Variants in REV1 observed in about 807,000 individuals in gnomAD.
REV1 encodes translesion synthesis protein REV1.
In REV1, 42 loss-of-function variants were observed where a neutral mutation model predicts 137.4. That is an observed-to-expected ratio of 0.31 (90% CI 0.24 to 0.40). The LOEUF (loss-of-function observed/expected upper bound fraction) is 0.40. REV1 is among the 10% of genes least tolerant of loss of function. REV1 has a pLI of 1.00. For missense variants in REV1, 1,282 were observed against 1,490.1 expected, an observed-to-expected ratio of 0.86 and a Z score of 2.30; for synonymous variants, 524 against 519.2, an observed-to-expected ratio of 1.01 and a Z score of -0.12.
At chr2:99,453,787 G>A (rs538797895) in intron 3 of REV1, among the ~76,000 whole-genome samples, 10 of 151,522 alleles carry the variant, frequency 6.6e-5, no homozygotes, top group Admixed American at 2.0e-4. Flanking sequence ...CAGCTACTCA[G>A]GAGGCTGAGG....
Position 99,402,252 on chromosome 2 carries a change from G to A in REV1, c.3636C>T (p.Tyr1212=), listed in dbSNP as rs752617590. The A allele has an allele frequency of 1.9e-5, 24 of 1,279,158 alleles. No homozygotes were observed. Among genetic ancestry groups the A allele is most frequent in the Middle Eastern group, 1.8e-4 (1 of 5,422 alleles). The allele number at this position is 1,279,158 out of a possible 1,614,324, so 79.2% of individuals were successfully genotyped here. The change falls in exon 22 of 23, where the codon TAC becomes TAT. Residue 1212 remains tyrosine, a synonymous_variant. Coordinates refer to ENST00000258428, the MANE Select transcript of REV1 (RefSeq NM_016316.4). ...AAGTGATGAATTACTACCTTTTCAT[G>A]TATTTTATAACTAGATCCAGTTTTT... The part of the protein sequence containing the change: ...DLEKLDLVIK[Y]MKRLMQQSVE...
rs11889025 is a variant in REV1 at position 99,454,575 on chromosome 2, A to C, written c.182-5071T>G. Among the ~76,000 whole-genome samples, 68 of 133,196 alleles carry C rather than the reference A, an allele frequency of 5.1e-4. 5 individuals are homozygous for C. Among genetic ancestry groups the C allele is most frequent in the Non-Finnish European group, 6.4e-4 (39 of 61,216 alleles). The allele number at this position is 133,196 out of a possible 152,430, so 87.4% of individuals were successfully genotyped here. ...CAAAAAAAAAAAAAAAAAAAAAAAA[A>C]AAAAAAAAAAAAAAAACCCAAAAAT... is the stretch of plus-strand genomic sequence containing the variant. On this transcript the variant is annotated intron_variant, in intron 3 of 22. Coordinates refer to ENST00000258428, the MANE Select transcript of REV1 (RefSeq NM_016316.4).
At chr2:99,448,884 C>T (rs570333537) in intron 4 of REV1, among the ~76,000 whole-genome samples, 2 of 152,308 alleles carry the variant, frequency 1.3e-5, no homozygotes, top group East Asian at 3.9e-4. Flanking sequence ...TATTAGGATG[C>T]CAAATCCTAG....
chr2:99,442,881 T>C (rs1474616045), intron 4 of REV1, among the ~76,000 whole-genome samples: 3 of 152,138 alleles, frequency 2.0e-5, no homozygotes, highest in Non-Finnish European at 4.4e-5. Flanking sequence ...AGAGTAATAA[T>C]TTATACTATT....
intron 1 of REV1, among the ~76,000 whole-genome samples, chr2:99,466,241 G>A (rs905666610): frequency 6.7e-6 from 1 of 149,466 alleles, no homozygotes; most frequent in Admixed American, 6.7e-5. Flanking sequence ...GTAAGCCACC[G>A]TGCCCGGCCT....
chr2:99,421,277 TTAAGAA>T (rs1032254519), intron 11 of REV1, among the ~76,000 whole-genome samples: 9 of 152,104 alleles, frequency 5.9e-5, no homozygotes, highest in Non-Finnish European at 1.3e-4. Flanking sequence ...TCCCAATTTT[TTAAGAA>T]TAAGTAAGAA....
At chr2:99,447,406 G>A (rs900940296) in intron 4 of REV1, among the ~76,000 whole-genome samples, 12 of 152,150 alleles carry the variant, frequency 7.9e-5, no homozygotes, top group Admixed American at 6.5e-5. Context: ...TCTTGACCTC[G>A]TGATCTGCCT....
chr2:99,448,984 C>T (rs933147064), intron 4 of REV1, among the ~76,000 whole-genome samples: 1 of 152,258 alleles, frequency 6.6e-6, no homozygotes, highest in Non-Finnish European at 1.5e-5. Context: ...ATATTAGTTA[C>T]AATTTTATAA....
intron 3 of REV1, among the ~76,000 whole-genome samples, chr2:99,457,313 C>T (rs750732918): frequency 3.3e-5 from 5 of 152,128 alleles, no homozygotes; most frequent in Non-Finnish European, 5.9e-5. Flanking sequence ...CAATTCTCCC[C>T]GAACTGATCT....
intron 9 of REV1, among the ~76,000 whole-genome samples, chr2:99,427,169 A>T (rs1049983158): frequency 6.6e-6 from 1 of 152,100 alleles, no homozygotes; most frequent in African/African-American, 2.4e-5. Context: ...GCAAAAGAGC[A>T]AGACTTCATC....
chr2:99,421,701 T>C (rs1559316909), intron 10 of REV1, 48 bp from the exon 11 acceptor site: 1 of 1,577,800 alleles, frequency 6.3e-7, no homozygotes, highest in Admixed American at 1.8e-5. Context: ...AGCCACCATC[T>C]GGTAGACCCA....
intron 4 of REV1, among the ~76,000 whole-genome samples, chr2:99,448,532 C>T (rs1472462540): frequency 6.6e-6 from 1 of 152,104 alleles, no homozygotes; most frequent in African/African-American, 2.4e-5. Context: ...AATAATACTG[C>T]GACTGTACTC....
At chr2:99,461,964 G>A (rs1219311259) in intron 3 of REV1, among the ~76,000 whole-genome samples, 2 of 152,118 alleles carry the variant, frequency 1.3e-5, no homozygotes, top group African/African-American at 4.8e-5. Flanking sequence ...GTGGGGAGGA[G>A]GTAGGAATGA....
At chr2:99,456,947 G>A (rs890324371) in intron 3 of REV1, among the ~76,000 whole-genome samples, 1 of 152,118 alleles carries the variant, frequency 6.6e-6, no homozygotes, top group Admixed American at 6.5e-5. Flanking sequence ...AGAACATGAG[G>A]TTGAAAATGT....
At chr2:99,489,132 C>T (rs1051565457) in intron 1 of REV1, among the ~76,000 whole-genome samples, 7 of 152,170 alleles carry the variant, frequency 4.6e-5, no homozygotes, top group African/African-American at 1.4e-4. Flanking sequence ...TGTAACAGTA[C>T]AGAAGTGGGC....
chr2:99,462,184 T>C (rs913589314), intron 3 of REV1, among the ~76,000 whole-genome samples: 2 of 152,070 alleles, frequency 1.3e-5, no homozygotes, highest in Non-Finnish European at 2.9e-5. Context: ...CATCTAGAGA[T>C]TTACCAATGA....
chr2:99,413,880 AAG>A (rs1403850790), intron 12 of REV1, among the ~76,000 whole-genome samples: 1 of 152,182 alleles, frequency 6.6e-6, no homozygotes, highest in Non-Finnish European at 1.5e-5. Flanking sequence ...AACTTATCAA[AAG>A]AGAACTCAGG....
chr2:99,438,515 A>G, intron 6 of REV1, 86 bp downstream of exon 6: 1 of 978,416 alleles, frequency 1.0e-6, no homozygotes, highest in South Asian at 1.5e-5. Flanking sequence ...AGAACTTCAT[A>G]TTGACCAGAA....
chr2:99,433,964 TGTTA>T (rs147675147), intron 8 of REV1, among the ~76,000 whole-genome samples: 64,184 of 151,636 alleles, frequency 0.42, 13,808 homozygotes, highest in Admixed American at 0.57. Flanking sequence ...TTCTACTGTT[TGTTA>T]TTCTACTTCC....
Sources: allele counts gnomAD v4.1 joint callset (sites outside exome capture counted in the v4.1 genomes callset), GRCh38; gene constraint gnomAD v4.1.1; transcripts MANE v1.5; gene names NCBI Gene and HGNC (gene_info 2026-07-23, HGNC 2026-07-21).